The following GRB2 variants were observed in gnomAD, a reference collection of about 807,000 sequenced individuals.
GRB2 encodes the protein growth factor receptor bound protein 2.
GRB2 carries 2 observed loss-of-function variants against 27.4 expected under a neutral mutation model. That is an observed-to-expected ratio of 0.07 (90% CI 0.03 to 0.23). The LOEUF (loss-of-function observed/expected upper bound fraction) is 0.23, where lower values mean the gene tolerates loss of function less well. Among genes scored for constraint, GRB2 ranks in the 10% least tolerant of loss-of-function variants. GRB2 has a pLI of 1.00. For missense variants in GRB2, 102 were observed against 282.4 expected (o/e 0.36, Z 4.58); for synonymous variants, 94 against 99.6 (o/e 0.94, Z 0.33).
chr17:75,347,933 G>C (rs181286019), intron 2 of GRB2, among the ~76,000 whole-genome samples: 1 of 152,320 alleles, frequency 6.6e-6, no homozygotes, highest in East Asian at 1.9e-4. Context: ...TTAAGGACAT[G>C]CTCCTTTATA....
chr17:75,341,614 G>A lies in GRB2; in HGVS notation c.79-8817C>T, dbSNP rs368761691. The stretch of plus-strand genomic sequence containing the variant: ...AAAGGGAAGGAGGAAGGAAAGACAG[G>A]GAGGAGGACAAAGTCCCCAAACTCC... On this transcript the variant is annotated intron_variant, in intron 2 of 5. Coordinates refer to ENST00000316804, the MANE Select transcript of GRB2 (RefSeq NM_002086.5). Among the ~76,000 whole-genome samples the A allele has an allele frequency of 5.3e-5, 8 of 152,110 alleles. No homozygotes were observed. In the East Asian group the frequency reaches 1.5e-3, roughly 29 times the overall value.
chr17:75,321,167 ATCTTTTTTT>A (rs754854576), intron 5 of GRB2, among the ~76,000 whole-genome samples: 1 of 76,018 alleles, frequency 1.3e-5, no homozygotes, highest in Non-Finnish European at 2.6e-5. Context: ...GAAACAACAA[ATCTTTTTTT>A]TTTTTTTTTT....
intron 3 of GRB2, among the ~76,000 whole-genome samples, chr17:75,328,261 T>C (rs1465230634): frequency 6.8e-6 from 1 of 147,288 alleles, no homozygotes; most frequent in African/African-American, 2.5e-5. Flanking sequence ...GAGGCAGAGG[T>C]TGTAGTGAGC....
intron 2 of GRB2, among the ~76,000 whole-genome samples, chr17:75,357,658 C>T (rs7213861): frequency 0.66 from 100,876 of 152,142 alleles, 39,054 homozygotes; most frequent in East Asian, 0.91. Context: ...CAGTGGTGCA[C>T]GTCTGTAATC....
At chr17:75,362,513 T>C (rs1423334874) in intron 2 of GRB2, among the ~76,000 whole-genome samples, 1 of 152,226 alleles carries the variant, frequency 6.6e-6, no homozygotes, top group Non-Finnish European at 1.5e-5. Flanking sequence ...AAGATATTTT[T>C]TGATGTGTTG....
intron 4 of GRB2, 66 bp downstream of exon 4, chr17:75,325,832 C>T (rs2078495321): frequency 2.6e-6 from 4 of 1,558,250 alleles, no homozygotes; most frequent in Non-Finnish European, 3.5e-6. Flanking sequence ...GGCACCTGAC[C>T]AACGGCTTCA....
At chr17:75,371,963 A>G (rs2078859505) in intron 2 of GRB2, 1 of 152,204 alleles carries the variant, frequency 6.6e-6, no homozygotes, top group Non-Finnish European at 1.5e-5. Flanking sequence ...AGTATCTACA[A>G]TAAGAGTAAG....
chr17:75,366,875 T>A (rs1433785074), intron 2 of GRB2, among the ~76,000 whole-genome samples: 1 of 151,618 alleles, frequency 6.6e-6, no homozygotes, highest in Non-Finnish European at 1.5e-5. Context: ...AAACGAAAAA[T>A]ACTTCTTAAA....
chr17:75,341,058 C>A (rs1285963257), intron 2 of GRB2, among the ~76,000 whole-genome samples: 1 of 152,128 alleles, frequency 6.6e-6, no homozygotes, highest in Non-Finnish European at 1.5e-5. Context: ...AAAGCATCTT[C>A]GCCAACCAGG....
intron 2 of GRB2, among the ~76,000 whole-genome samples, chr17:75,393,000 T>C (rs2079008110): frequency 6.6e-6 from 1 of 152,206 alleles, no homozygotes; most frequent in Admixed American, 6.5e-5. Flanking sequence ...CACCTTATTA[T>C]TTAGAACTCC....
chr17:75,386,926 A>G (rs954164685), intron 2 of GRB2, among the ~76,000 whole-genome samples: 2 of 152,180 alleles, frequency 1.3e-5, no homozygotes, highest in Admixed American at 1.3e-4. Context: ...CTGTAACCCC[A>G]GCACTTTGGG....
chr17:75,338,643 G>A (rs2078597985), intron 2 of GRB2, among the ~76,000 whole-genome samples: 1 of 152,134 alleles, frequency 6.6e-6, no homozygotes, highest in Non-Finnish European at 1.5e-5. Context: ...ATTATAAGAG[G>A]AGGAAGAGAC....
chr17:75,377,657 A>G (rs1215762745), intron 2 of GRB2, among the ~76,000 whole-genome samples: 1 of 149,518 alleles, frequency 6.7e-6, no homozygotes, highest in Non-Finnish European at 1.5e-5. Context: ...CTGTAATCCC[A>G]GTACTTTGGG....
At chr17:75,377,582 C>T (rs1213772681) in intron 2 of GRB2, among the ~76,000 whole-genome samples, 4 of 116,004 alleles carry the variant, frequency 3.4e-5, no homozygotes, top group Non-Finnish European at 4.9e-5. Context: ...GGCAACAGAG[C>T]GAGACCCTGT....
At chr17:75,369,574 G>T (rs890766199) in intron 2 of GRB2, among the ~76,000 whole-genome samples, 8 of 151,750 alleles carry the variant, frequency 5.3e-5, no homozygotes, top group African/African-American at 1.9e-4. Context: ...CTGTTTCTGG[G>T]CCAGGCGCAG....
At chr17:75,384,440 G>A (rs1298589202) in intron 2 of GRB2, among the ~76,000 whole-genome samples, 4 of 151,912 alleles carry the variant, frequency 2.6e-5, no homozygotes, top group African/African-American at 9.7e-5. Flanking sequence ...AGGCCAAGGC[G>A]GGTGGATCGC....
chr17:75,333,867 GA>G (rs1488858239), intron 2 of GRB2, among the ~76,000 whole-genome samples: 1 of 152,174 alleles, frequency 6.6e-6, no homozygotes, highest in African/African-American at 2.4e-5. Flanking sequence ...AAAAAAACAA[GA>G]TCAATGGTCA....
Position 75,396,912 on chromosome 17 carries a change from G to A in GRB2, c.-137-3147C>T, listed in dbSNP as rs551619044. On this transcript the variant is annotated intron_variant, in intron 1 of 5. Coordinates refer to ENST00000316804, the MANE Select transcript of GRB2 (RefSeq NM_002086.5). The stretch of plus-strand genomic sequence containing the variant: ...TCACTTTCAAGGTGCTATGTAGTAC[G>A]ACCAGCCATAAGCTTCTGTGTCATT... Among the ~76,000 whole-genome samples the A allele has an allele frequency of 9.9e-5, 15 of 152,282 alleles. 1 individual carries two copies. The South Asian group carries it at 3.1e-3, about 32-fold the overall frequency.
intron 4 of GRB2, among the ~76,000 whole-genome samples, chr17:75,323,806 C>CT (rs398031609): frequency 0.081 from 11,676 of 144,620 alleles, 492 homozygotes; most frequent in Middle Eastern, 0.12. Flanking sequence ...TTTTTCTTTT[C>CT]TTTTTTTTTT....
Sources: gnomAD v4.1 joint callset for allele counts (sites outside exome capture counted in the v4.1 genomes callset) on GRCh38, gnomAD v4.1.1 for gene constraint, MANE v1.5 for transcripts, NCBI Gene and HGNC (gene_info 2026-07-23, HGNC 2026-07-21) for gene names.